BMERB1: variants seen among roughly 807,000 people sequenced by gnomAD.
The protein encoded by BMERB1 is bMERB domain containing 1, also known as bMERB domain-containing protein 1.
A neutral mutation model predicts 23.6 loss-of-function variants in BMERB1; 12 were observed. The ratio of observed to expected loss-of-function variants is 0.51; its 90% CI spans 0.33 to 0.82. The LOEUF (loss-of-function observed/expected upper bound fraction) is 0.82, where lower values mean the gene tolerates loss of function less well. Ranked by LOEUF, BMERB1 falls within the 40% of genes least tolerant of loss-of-function variation. The probability of loss-of-function intolerance (pLI) is 0.03; values close to 1 mark genes in which losing one functional copy is unlikely to be tolerated. For missense variants in BMERB1, 247 were observed against 255.4 expected, an observed-to-expected ratio of 0.97 and a Z score of 0.22; for synonymous variants, 122 against 96.6, an observed-to-expected ratio of 1.26 and a Z score of -1.54.
chr16:15,535,104 C>T (rs761903309), intron 2 of BMERB1, among the ~76,000 whole-genome samples: 99 of 152,182 alleles, frequency 6.5e-4, no homozygotes, highest in African/African-American at 2.4e-3. Flanking sequence ...AATCCCTGCA[C>T]TTTGAGAGGC....
intron 2 of BMERB1, among the ~76,000 whole-genome samples, chr16:15,533,898 A>G (rs577877238): frequency 6.6e-6 from 1 of 151,568 alleles, no homozygotes; most frequent in Admixed American, 6.6e-5. Context: ...AATACCTCCC[A>G]CCCCGTGTTG....
rs571749694 is a variant in BMERB1 at position 15,457,097 on chromosome 16, A to T, written c.106+22338A>T. Among the ~76,000 whole-genome samples, 14 of 152,310 alleles carry T rather than the reference A, an allele frequency of 9.2e-5. No homozygotes were observed. The South Asian group carries it at 2.9e-3, about 32-fold the overall frequency. The stretch of plus-strand genomic sequence containing the variant: ...CACCTTGGCCTCCCAAAATGCTGGG[A>T]TTGTAGGCATGAGGCACTGTGCCCA... On this transcript the variant is annotated intron_variant, in intron 1 of 5. Coordinates refer to ENST00000300006, the MANE Select transcript of BMERB1 (RefSeq NM_033201.3).
rs1223780726 is a variant in BMERB1 at position 15,516,285 on chromosome 16, G to GCTGTGTGTGC, written c.230+860_230+869dup. Among the ~76,000 whole-genome samples the GCTGTGTGTGC allele has an allele frequency of 1.3e-4, 19 of 151,662 alleles. No homozygotes were observed. The South Asian group carries it at 4.0e-3, about 32-fold the overall frequency. On this transcript the variant is annotated intron_variant, in intron 2 of 5. Coordinates refer to ENST00000300006, the MANE Select transcript of BMERB1 (RefSeq NM_033201.3). ...CAAAAAATAAAATTAGCTGTGTGTG[G>GCTGTGTGTGC]CTGTGTGTGCCTTTGTCCCAGCTAC...
At chr16:15,502,469 A>G (rs2051540545) in intron 1 of BMERB1, 1 of 1,048,148 alleles carries the variant, frequency 9.5e-7, no homozygotes, top group Non-Finnish European at 1.4e-6. Flanking sequence ...AAAAGCAGTG[A>G]CTTCATCTCT....
intron 2 of BMERB1, among the ~76,000 whole-genome samples, chr16:15,521,980 C>T (rs2051858446): frequency 6.6e-6 from 1 of 152,178 alleles, no homozygotes; most frequent in African/African-American, 2.4e-5. Context: ...CACTGAATCA[C>T]ATCATTAGTT....
chr16:15,445,876 A>C (rs1169739550), intron 1 of BMERB1, among the ~76,000 whole-genome samples: 1 of 152,214 alleles, frequency 6.6e-6, no homozygotes, highest in African/African-American at 2.4e-5. Flanking sequence ...AAACAACCCA[A>C]ATATGGTATA....
chr16:15,542,016 G>T (rs2052088992), intron 2 of BMERB1, among the ~76,000 whole-genome samples: 1 of 150,482 alleles, frequency 6.6e-6, no homozygotes, highest in East Asian at 2.0e-4. Flanking sequence ...GAGTAGCTGG[G>T]ATTACAGGCA....
At chr16:15,541,111 G>A (rs1369567990) in intron 2 of BMERB1, among the ~76,000 whole-genome samples, 5 of 152,008 alleles carry the variant, frequency 3.3e-5, no homozygotes, top group African/African-American at 1.2e-4. Context: ...ACCTCCTCGG[G>A]TTTGATAGTT....
chr16:15,586,906 C>G lies in BMERB1; in HGVS notation c.*77C>G. The G allele has an allele frequency of 1.0e-6, 1 of 983,356 alleles. No homozygotes were observed. Among genetic ancestry groups the G allele is most frequent in the Non-Finnish European group, 1.5e-6 (1 of 662,914 alleles). The allele number at this position is 983,356 out of a possible 1,614,324, so 60.9% of individuals were successfully genotyped here. ...TTTATAGCCCCCATTTCACCGGGGC[C>G]CAAGAGCTCTCCAAGGCAGAAGGGG... On this transcript the variant is annotated 3_prime_UTR_variant, in exon 6 of 6. Coordinates refer to ENST00000300006, the MANE Select transcript of BMERB1 (RefSeq NM_033201.3).
chr16:15,441,198 C>G (rs2050936253), intron 1 of BMERB1, among the ~76,000 whole-genome samples: 1 of 152,096 alleles, frequency 6.6e-6, no homozygotes, highest in South Asian at 2.1e-4. Flanking sequence ...AATCAAGGGA[C>G]TAACATGAAC....
At chr16:15,455,293 C>A (rs2051076108) in intron 1 of BMERB1, among the ~76,000 whole-genome samples, 1 of 143,564 alleles carries the variant, frequency 7.0e-6, no homozygotes. Flanking sequence ...AACTGCACTC[C>A]AGCCTGGGCA....
In BMERB1 at chr16:15,481,616, A is replaced by G. The variant is rs568869167; in HGVS notation, c.107-33689A>G. On this transcript the variant is annotated intron_variant, in intron 1 of 5. Transcript: ENST00000300006. ...GAGTGGGATTGGAAGAGAGATGTCA[A>G]GGGAACTCTTTTCTTTCCTTTTTAA... 3.0e-4 allele frequency among the ~76,000 whole-genome samples: 46 copies of G among 152,192 alleles called. 2 individuals carry two copies. In the South Asian group the frequency reaches 8.3e-3, roughly 27 times the overall value.
intron 4 of BMERB1, among the ~76,000 whole-genome samples, chr16:15,582,216 T>G (rs572203572): frequency 6.6e-6 from 1 of 152,230 alleles, no homozygotes; most frequent in East Asian, 1.9e-4. Flanking sequence ...CTGGGCAACA[T>G]GGTGAAACCC....
In BMERB1 at chr16:15,542,564, C is replaced by T. The variant is rs556013118; in HGVS notation, c.231-25419C>T. 7.3e-5 allele frequency among the ~76,000 whole-genome samples: 11 copies of T among 151,204 alleles called. No homozygotes were observed. The East Asian group carries it at 2.1e-3, about 29-fold the overall frequency. On this transcript the variant is annotated intron_variant, in intron 2 of 5. Transcript: ENST00000300006. ...GGCTTTAGGAGCTCTGTGCTGGGAA[C>T]CAGGGATGAAGACCAAATAGATATT...
chr16:15,569,410 G>A (rs747385737), intron 3 of BMERB1, among the ~76,000 whole-genome samples: 12 of 151,998 alleles, frequency 7.9e-5, no homozygotes, highest in Admixed American at 4.6e-4. Context: ...AGAGTGAGGC[G>A]GGAGGTGCCA....
chr16:15,471,847 G>T (rs1363374084), intron 1 of BMERB1, among the ~76,000 whole-genome samples: 1 of 152,150 alleles, frequency 6.6e-6, no homozygotes, highest in African/African-American at 2.4e-5. Flanking sequence ...CAAAGTGCTA[G>T]GATTAAAGGC....
chr16:15,547,178 A>C (rs974084988), intron 2 of BMERB1, among the ~76,000 whole-genome samples: 2 of 149,788 alleles, frequency 1.3e-5, no homozygotes, highest in African/African-American at 4.9e-5. Context: ...TGCCCAGCTA[A>C]TTTTTGTATT....
rs745828509 is a variant in BMERB1 at position 15,538,385 on chromosome 16, G to A, written c.230+22957G>A. Among the ~76,000 whole-genome samples, 9 of 152,064 alleles carry A rather than the reference G, an allele frequency of 5.9e-5. No homozygotes were observed. The East Asian group carries it at 9.6e-4, about 16-fold the overall frequency. ...CCAGGATCACTTGAACCTGAGAGGC[G>A]GAGATTGCAGTGAGCCGAGATGTGC... On this transcript the variant is annotated intron_variant, in intron 2 of 5. Transcript: ENST00000300006.
intron 1 of BMERB1, among the ~76,000 whole-genome samples, chr16:15,440,081 C>T (rs2050926661): frequency 6.6e-6 from 1 of 151,576 alleles, no homozygotes; most frequent in Non-Finnish European, 1.5e-5. Flanking sequence ...CCTGTCTGTA[C>T]TAAAAATACA....
Sources: gnomAD v4.1 joint callset for allele counts (sites outside exome capture counted in the v4.1 genomes callset) on GRCh38, gnomAD v4.1.1 for gene constraint, MANE v1.5 for transcripts, NCBI Gene and HGNC (gene_info 2026-07-23, HGNC 2026-07-21) for gene names.